PLET1: variants seen among roughly 807,000 people sequenced by gnomAD.
PLET1 encodes the protein placenta expressed transcript 1, also known as placenta-expressed transcript 1 protein.
Under a neutral mutation model 18.5 loss-of-function variants are expected in PLET1, and 20 were observed. The ratio of observed to expected loss-of-function variants is 1.08; its 90% CI spans 0.76 to 1.57. The LOEUF (loss-of-function observed/expected upper bound fraction) is 1.57, where lower values mean the gene tolerates loss of function less well. Ranked by LOEUF, PLET1 falls within the 40% of genes most tolerant of loss-of-function variation. The pLI is 0.00. For missense variants in PLET1, 256 were observed against 246.4 expected, an observed-to-expected ratio of 1.04 and a Z score of -0.26; for synonymous variants, 93 against 93.8, an observed-to-expected ratio of 0.99 and a Z score of 0.05.
intron 3 of PLET1, 80 bp downstream of exon 3, chr11:112,252,268 T>C: frequency 7.6e-7 from 1 of 1,318,630 alleles, no homozygotes; most frequent in Non-Finnish European, 1.1e-6. Context: ...AGACCCTCTT[T>C]TCTAGGGAAC....
intron 2 of PLET1, among the ~76,000 whole-genome samples, chr11:112,254,340 G>GGT (rs113302549): frequency 0.69 from 101,949 of 147,066 alleles, 35,648 homozygotes; most frequent in South Asian, 0.8. Context: ...GGTGGTGTGT[G>GGT]GTGTGTGTGT....
At chr11:112,250,606 A>G (rs1860145901) in intron 3 of PLET1, among the ~76,000 whole-genome samples, 1 of 152,216 alleles carries the variant, frequency 6.6e-6, no homozygotes, top group Admixed American at 6.5e-5. Context: ...TTTAGTCTTT[A>G]CATAGACAAG....
rs955584154 is a variant in PLET1 at position 112,252,536 on chromosome 11, G to A, written c.387-127C>T. On this transcript the variant is annotated intron_variant, in intron 2 of 3. Coordinates refer to ENST00000338832, the MANE Select transcript of PLET1 (RefSeq NM_001145024.1). ...GCTTACTTTCTGTATGGCACAATGA[G>A]CAGATCATTAAATACTGGTCTGCTT... 3 of 783,472 alleles carry A rather than the reference G, an allele frequency of 3.8e-6. No individual in the cohort carries two copies. In the South Asian group the frequency reaches 5.0e-5, roughly 13 times the overall value. 48.5% of individuals were successfully genotyped at this position (783,472 alleles called of 1,614,324 possible).
At chr11:112,257,368 G>A (rs536108865) in intron 1 of PLET1, among the ~76,000 whole-genome samples, 11 of 103,496 alleles carry the variant, frequency 1.1e-4, no homozygotes, top group African/African-American at 2.8e-4. Flanking sequence ...TTTAACTCTC[G>A]TTCCTTTTTT....
chr11:112,257,196 G>GGCAGC (rs1353299394), intron 1 of PLET1, among the ~76,000 whole-genome samples: 2 of 152,036 alleles, frequency 1.3e-5, no homozygotes, highest in Non-Finnish European at 2.9e-5. Flanking sequence ...CCACTCTAAG[G>GGCAGC]GCAGCCAGCC....
chr11:112,258,601 C>G (rs1441706640), intron 1 of PLET1, among the ~76,000 whole-genome samples: 2 of 152,184 alleles, frequency 1.3e-5, no homozygotes, highest in Admixed American at 1.3e-4. Context: ...TCTCTTTCCT[C>G]CATTGCATTA....
intron 2 of PLET1, among the ~76,000 whole-genome samples, chr11:112,255,006 ATG>A (rs1368867027): frequency 5.0e-4 from 4 of 7,972 alleles, no homozygotes; most frequent in Non-Finnish European, 7.3e-4. Flanking sequence ...TGTGGTATGT[ATG>A]TGTGTGTGGT....
chr11:112,249,976 A>AG (rs1362615890), intron 3 of PLET1, among the ~76,000 whole-genome samples: 1 of 149,498 alleles, frequency 6.7e-6, no homozygotes, highest in Non-Finnish European at 1.5e-5. Flanking sequence ...AAAAAAAAAA[A>AG]AAAAAAAAGG....
intron 1 of PLET1, 70 bp downstream of exon 1, chr11:112,260,336 G>A (rs1457562241): frequency 2.2e-6 from 3 of 1,363,548 alleles, no homozygotes; most frequent in African/African-American, 1.5e-5. Flanking sequence ...CGATAGAGGG[G>A]TGTGTTCTGA....
intron 1 of PLET1, chr11:112,260,149 G>A (rs1860271839): frequency 2.4e-6 from 1 of 414,856 alleles, no homozygotes; most frequent in Admixed American, 4.0e-5. Flanking sequence ...CCCCAAGTGT[G>A]CTCTTGCTGG....
Position 112,254,301 on chromosome 11 carries a change from T to G in PLET1, c.386+1087A>C, listed in dbSNP as rs552469226. On this transcript the variant is annotated intron_variant, in intron 2 of 3. Transcript: ENST00000338832. ...GTGTAGTGTGTGTATGTGTGTGGTG[T>G]GTAGTGTGAGTAGCATGTGGTGTGT... Among the ~76,000 whole-genome samples the G allele has an allele frequency of 5.5e-5, 8 of 145,402 alleles. No individual in the cohort carries two copies. The South Asian group carries it at 6.7e-4, about 12-fold the overall frequency.
intron 1 of PLET1, among the ~76,000 whole-genome samples, chr11:112,259,772 T>G (rs1449764620): frequency 6.6e-6 from 1 of 152,210 alleles, no homozygotes; most frequent in Non-Finnish European, 1.5e-5. Context: ...GTACAGTGGC[T>G]CACACCTGTA....
chr11:112,249,604 TGATCCTG>T (rs1213804158), intron 3 of PLET1, among the ~76,000 whole-genome samples: 5 of 152,158 alleles, frequency 3.3e-5, no homozygotes, highest in Non-Finnish European at 7.4e-5. Context: ...AGGGGTTGTC[TGATCCTG>T]GACAAACTGG....
In PLET1 at chr11:112,251,792, A is replaced by C. The variant is rs182140720; in HGVS notation, c.448+556T>G. 2.9e-3 allele frequency among the ~76,000 whole-genome samples: 426 copies of C among 149,454 alleles called. 1 individual carries two copies. Among genetic ancestry groups the C allele is most frequent in the Non-Finnish European group, 5.0e-3 (340 of 67,362 alleles). ...GGGAAGAAGATGGGCGAGGAACCTC[A>C]GGGAGGTGCGAAGCTGGGGGCGACA... is the stretch of plus-strand genomic sequence containing the variant. On this transcript the variant is annotated intron_variant, in intron 3 of 3. Transcript: ENST00000338832.
Position 112,255,477 on chromosome 11 carries a change from G to T in PLET1, c.297C>A (p.Ser99=). The change falls in exon 2 of 4, where the codon TCC becomes TCA. Residue 99 remains serine, a synonymous_variant. Transcript: ENST00000338832. Reference sequence around the variant, plus strand: ...TGTATTGATCTTTCACGTAATACGTGGAGTTGCTGTAGCAATTTTTATCCG... The same window carrying T: ...TGTATTGATCTTTCACGTAATACGTTGAGTTGCTGTAGCAATTTTTATCCG... ...QRADKNCYSN[S]TYYVKDQYMT... is the part of the protein sequence containing the mutation. The T allele has an allele frequency of 6.4e-7, 1 of 1,552,172 alleles. No individual in the cohort carries two copies. The highest frequency in any genetic ancestry group is 8.7e-7 in the Non-Finnish European group (1 of 1,147,038).
chr11:112,255,219 C>G (rs1027810769), intron 2 of PLET1, among the ~76,000 whole-genome samples, 169 bp downstream of exon 2: 1 of 150,134 alleles, frequency 6.7e-6, no homozygotes, highest in Admixed American at 6.8e-5. Context: ...CTGCAAGCGC[C>G]TATAGATGGA....
rs552469226 is a variant in PLET1, at chr11:112,254,301, T to C, written c.386+1087A>G. Among the ~76,000 whole-genome samples, 33 of 145,532 alleles carry C rather than the reference T, an allele frequency of 2.3e-4. 1 individual carries two copies. In the South Asian group the frequency reaches 6.5e-3, roughly 29 times the overall value. On this transcript the variant is annotated intron_variant, in intron 2 of 3. Transcript: ENST00000338832. ...GTGTAGTGTGTGTATGTGTGTGGTG[T>C]GTAGTGTGAGTAGCATGTGGTGTGT...
intron 2 of PLET1, among the ~76,000 whole-genome samples, chr11:112,253,571 A>G (rs568613059): frequency 6.6e-6 from 1 of 152,170 alleles, no homozygotes; most frequent in Non-Finnish European, 1.5e-5. Flanking sequence ...CTCTTGTTGC[A>G]TGGAATGTGG....
chr11:112,259,977 G>C lies in PLET1; in HGVS notation c.184+429C>G, dbSNP rs140661702. On this transcript the variant is annotated intron_variant, in intron 1 of 3. Transcript: ENST00000338832. The stretch of plus-strand genomic sequence containing the variant: ...TGCTTGAACCCAGGAGGCGGAGGTT[G>C]CAGTGAGCTGAAATTGTACCATTAC... Among the ~76,000 whole-genome samples, 611 of 152,318 alleles carry C rather than the reference G, an allele frequency of 4.0e-3. 6 individuals are homozygous for C. Among genetic ancestry groups the C allele is most frequent in the Non-Finnish European group, 5.8e-3 (396 of 68,030 alleles).
Sources: allele counts gnomAD v4.1 joint callset (sites outside exome capture counted in the v4.1 genomes callset), GRCh38; gene constraint gnomAD v4.1.1; transcripts MANE v1.5; gene names NCBI Gene and HGNC (gene_info 2026-07-23, HGNC 2026-07-21).